Variants in RBM6 observed in about 807,000 individuals in gnomAD.
The protein encoded by RBM6 is RNA-binding protein 6.
RBM6 carries 23 observed loss-of-function variants against 140.4 expected under a neutral mutation model. The ratio of observed to expected loss-of-function variants is 0.16; its 90% confidence interval spans 0.12 to 0.23. The LOEUF is 0.23. Among genes scored for constraint, RBM6 ranks in the 10% least tolerant of loss-of-function variants. RBM6 has a pLI of 1.00. For synonymous variants in RBM6, 439 were observed against 475.6 expected (o/e 0.92, Z 1.00); for missense variants, 1,139 against 1,386.7 (o/e 0.82, Z 2.84).
chr3:50,043,285 C>T (rs2089028717), intron 6 of RBM6, among the ~76,000 whole-genome samples: 1 of 151,938 alleles, frequency 6.6e-6, no homozygotes, highest in Admixed American at 6.6e-5. Flanking sequence ...GAGTTCAAGA[C>T]CAGCCTGGCC....
At chr3:49,945,357 T>C (rs181857613) in intron 1 of RBM6, among the ~76,000 whole-genome samples, 136 of 152,128 alleles carry the variant, frequency 8.9e-4, no homozygotes, top group African/African-American at 3.2e-3. Flanking sequence ...TTTTTATTTT[T>C]TTGTAGCTGT....
intron 6 of RBM6, among the ~76,000 whole-genome samples, chr3:50,007,040 T>G (rs1209339239): frequency 6.6e-6 from 1 of 151,976 alleles, no homozygotes; most frequent in African/African-American, 2.4e-5. Flanking sequence ...ACAGCAGCTC[T>G]GGTCTTGGCT....
At chr3:49,996,050 A>T (rs2086070544) in intron 5 of RBM6, among the ~76,000 whole-genome samples, 1 of 151,880 alleles carries the variant, frequency 6.6e-6, no homozygotes, top group South Asian at 2.1e-4. Flanking sequence ...CACTTCCCAC[A>T]CCCTGTTTTC....
At chr3:49,996,844 T>A in intron 5 of RBM6, among the ~76,000 whole-genome samples, 1 of 152,118 alleles carries the variant, frequency 6.6e-6, no homozygotes, top group East Asian at 1.9e-4. Flanking sequence ...TATTGAAGAG[T>A]GAGAGGCTAG....
intron 10 of RBM6, 64 bp downstream of exon 10, chr3:50,058,626 G>T (rs1236416675): frequency 1.1e-5 from 16 of 1,493,952 alleles, no homozygotes; most frequent in African/African-American, 2.8e-5. Flanking sequence ...AAGAAGGTTT[G>T]ACTGGGGGCC....
chr3:50,059,062 G>C (rs1355082739), intron 10 of RBM6: 1 of 153,004 alleles, frequency 6.5e-6, no homozygotes, highest in Non-Finnish European at 1.5e-5. Flanking sequence ...ATCCCGTCTG[G>C]TTTTCTAGGT....
chr3:50,018,303 C>G (rs757101430), intron 6 of RBM6, among the ~76,000 whole-genome samples: 6 of 152,136 alleles, frequency 3.9e-5, no homozygotes, highest in Non-Finnish European at 7.4e-5. Context: ...TGGCTTCTTT[C>G]ATTTAGTAGT....
chr3:50,048,192 C>CT, intron 6 of RBM6, 53 bp from the exon 7 acceptor site: 13 of 1,595,326 alleles, frequency 8.1e-6, no homozygotes, highest in Non-Finnish European at 1.1e-5. Flanking sequence ...CTTTCTGTCT[C>CT]TGTCTGTTTC....
At chr3:49,940,535 C>G (rs984418153) in intron 1 of RBM6, 1 of 155,316 alleles carries the variant, frequency 6.4e-6, no homozygotes, top group Admixed American at 6.5e-5. Context: ...CTCTGTGCTC[C>G]TACTCTTCGG....
At position 49,993,898 on chromosome 3, in the gene RBM6, T is replaced by C. The variant is rs1214686428; in HGVS notation, c.1484-5542T>C. Among the ~76,000 whole-genome samples, 2 of 152,050 alleles carry C rather than the reference T, an allele frequency of 1.3e-5. 1 individual carries two copies. The highest frequency in any genetic ancestry group is 4.2e-4 in the South Asian group (2 of 4,818). ...CAGAGGTTGCAGTGGGCCGAGATAG[T>C]GCCATTGCACTCTAGCCTGGGCGAC... is the stretch of plus-strand genomic sequence containing the variant. On this transcript the variant is annotated intron_variant, in intron 5 of 20. Coordinates refer to ENST00000266022, the MANE Select transcript of RBM6 (RefSeq NM_005777.3).
At chr3:49,964,217 C>A (rs774863199) in intron 2 of RBM6, among the ~76,000 whole-genome samples, 1 of 152,140 alleles carries the variant, frequency 6.6e-6, no homozygotes, top group Non-Finnish European at 1.5e-5. Flanking sequence ...TTTGGATTGG[C>A]AATCTGCAAG....
chr3:49,956,366 A>C (rs1275320145), intron 1 of RBM6, among the ~76,000 whole-genome samples: 1 of 88,140 alleles, frequency 1.1e-5, no homozygotes, highest in African/African-American at 4.7e-5. Context: ...ACGGAGTTTC[A>C]CTCTTGTTGC....
rs768569336 is a variant in RBM6 at position 50,077,154 on chromosome 3, G to A, written c.*21G>A. ...ATTAAGAAAGGAGACAAGTTCCATG[G>A]GATACAACCTCCCTCTTGTTTTGTT... On this transcript the variant is annotated 3_prime_UTR_variant, in exon 21 of 21. Coordinates refer to ENST00000266022, the MANE Select transcript of RBM6 (RefSeq NM_005777.3). 4 of 1,595,734 alleles carry A rather than the reference G, an allele frequency of 2.5e-6. No homozygotes were observed. The highest frequency in any genetic ancestry group is 1.7e-5 in the Admixed American group (1 of 57,162).
chr3:50,066,402 A>G lies in RBM6; in HGVS notation c.2843A>G (p.Lys948Arg), dbSNP rs1178239505. ...EQTKKENEED[K>R]LTDWNKLACL... ...ACCAAGAAGGAGAATGAAGAAGACA[A>G]ACTCACTGACTGGAATAAACTGGCT... The change falls in exon 17 of 21, where the codon AAA (lysine) becomes AGA (arginine). Residue 948 changes from lysine to arginine, a missense_variant. Lys to Arg is a conservative substitution (Grantham distance 26). Around this residue, in one of 9 missense-constraint regions of RBM6, gnomAD observed 40 missense variants for 80.1 expected, o/e 0.50. Transcript: ENST00000266022. 3 of 1,613,928 alleles carry G rather than the reference A, an allele frequency of 1.9e-6. No individual in the cohort carries two copies. Among genetic ancestry groups the G allele is most frequent in the Non-Finnish European group, 2.5e-6 (3 of 1,180,032 alleles).
chr3:50,065,546 TGAATGATGCTAA>T (rs2090095729), intron 16 of RBM6: 1 of 458,024 alleles, frequency 2.2e-6, no homozygotes, highest in African/African-American at 2.0e-5. Flanking sequence ...CTGTTCAGAG[TGAATGATGCTAA>T]TATTGGTGCC....
At chr3:49,983,840 G>A (rs2085420102) in intron 5 of RBM6, among the ~76,000 whole-genome samples, 1 of 152,178 alleles carries the variant, frequency 6.6e-6, no homozygotes, top group Non-Finnish European at 1.5e-5. Context: ...GGCTGGGCTA[G>A]TCTTGTGGAG....
intron 6 of RBM6, among the ~76,000 whole-genome samples, chr3:50,008,657 G>A (rs180776631): frequency 1.9e-4 from 28 of 146,160 alleles, no homozygotes; most frequent in Non-Finnish European, 3.4e-4. Flanking sequence ...GGGTTAAAGC[G>A]ATTCTCCTGC....
Position 49,941,640 on chromosome 3 carries a change from C to CAAAAAAA in RBM6, c.-67+1439_-67+1445dup, listed in dbSNP as rs1171636981. Among the ~76,000 whole-genome samples the CAAAAAAA allele has an allele frequency of 2.9e-3, 173 of 58,718 alleles. 6 individuals are homozygous for CAAAAAAA. Among genetic ancestry groups the CAAAAAAA allele is most frequent in the African/African-American group, 0.012 (166 of 13,930 alleles). The allele number at this position is 58,718 out of a possible 152,430, so 38.5% of individuals were successfully genotyped here. ...GGGCCACAAGAGTGAAACTCTGTCT[C>CAAAAAAA]AAAAAAAAAAAAAAAAAAAAAAAAA... On this transcript the variant is annotated intron_variant, in intron 1 of 20. Transcript: ENST00000266022.
chr3:50,029,086 G>T (rs767350719), intron 6 of RBM6, among the ~76,000 whole-genome samples: 2 of 152,218 alleles, frequency 1.3e-5, no homozygotes. Context: ...TGAATGGAAT[G>T]ACTTGGAAGG....
Sources: allele counts gnomAD v4.1 joint callset (sites outside exome capture counted in the v4.1 genomes callset), GRCh38; gene constraint gnomAD v4.1.1; regional missense constraint gnomAD v4.1.1; transcripts MANE v1.5; gene names NCBI Gene and HGNC (gene_info 2026-07-23, HGNC 2026-07-21).